WDR93: variants seen among roughly 807,000 people sequenced by gnomAD.
WDR93 encodes the protein WD repeat-containing protein 93.
Under a neutral mutation model 82.9 loss-of-function variants are expected in WDR93, and 73 were observed. That is an observed-to-expected ratio of 0.88 (90% CI 0.73 to 1.07). WDR93 has a LOEUF of 1.07. Among genes scored for constraint, WDR93 ranks in the 50% least tolerant of loss-of-function variants. WDR93 has a pLI of 0.00. For missense variants in WDR93, 738 were observed against 826.0 expected (o/e 0.89, Z 1.31); for synonymous variants, 283 against 300.1 (o/e 0.94, Z 0.59).
chr15:89,690,485 G>A (rs999805170), upstream of WDR93: 139 of 902,148 alleles, frequency 1.5e-4, no homozygotes, highest in Non-Finnish European at 8.9e-5. Flanking sequence ...CATCTACTAG[G>A]CTATCACCTC....
intron 13 of WDR93, among the ~76,000 whole-genome samples, chr15:89,733,693 G>A (rs548299074): frequency 3.3e-5 from 5 of 152,252 alleles, no homozygotes; most frequent in African/African-American, 7.2e-5. Flanking sequence ...ACCCTATGCC[G>A]TCTCGGGACT....
At chr15:89,690,505 G>A, upstream of WDR93, 1 of 1,147,130 alleles carries the variant, frequency 8.7e-7, no homozygotes, top group Non-Finnish European at 1.3e-6. Context: ...CCTTTTTCCC[G>A]GGTGCAGGGG....
At chr15:89,719,754 A>C (rs1188327020) in intron 7 of WDR93, 2 of 150,050 alleles carry the variant, frequency 1.3e-5, no homozygotes, top group Admixed American at 1.3e-4. Flanking sequence ...TGTTCTGCTC[A>C]CTTTGGGTTT....
At chr15:89,690,995 C>T (rs1365437624) in intron 1 of WDR93, 138 bp downstream of exon 1, 1 of 189,998 alleles carries the variant, frequency 5.3e-6, no homozygotes, top group Non-Finnish European at 1.1e-5. Context: ...ATGCCTGACG[C>T]CTCCCCGCAG....
intron 1 of WDR93, among the ~76,000 whole-genome samples, chr15:89,696,187 C>T (rs1398276498): frequency 6.6e-6 from 1 of 152,190 alleles, no homozygotes; most frequent in Non-Finnish European, 1.5e-5. Context: ...TTCCCCATTA[C>T]TCAGTTTGCA....
intron 5 of WDR93, among the ~76,000 whole-genome samples, chr15:89,713,281 C>T (rs1375541774): frequency 2.6e-5 from 4 of 152,116 alleles, no homozygotes; most frequent in Admixed American, 6.6e-5. Context: ...ATGTTTTACC[C>T]ACCAATCTCA....
chr15:89,726,940 A>G (rs1392892632), intron 8 of WDR93, among the ~76,000 whole-genome samples: 1 of 152,228 alleles, frequency 6.6e-6, no homozygotes, highest in Non-Finnish European at 1.5e-5. Flanking sequence ...AAGATACAGA[A>G]GAAGGAGGAC....
intron 4 of WDR93, among the ~76,000 whole-genome samples, chr15:89,706,907 A>G (rs1013939271): frequency 1.3e-5 from 2 of 152,234 alleles, no homozygotes; most frequent in African/African-American, 4.8e-5. Context: ...TTTAGCCACA[A>G]TACCAAAAGC....
intron 13 of WDR93, among the ~76,000 whole-genome samples, chr15:89,734,409 C>G (rs953424689): frequency 2.8e-4 from 43 of 152,174 alleles, no homozygotes; most frequent in African/African-American, 9.2e-4. Context: ...TCCTCATGGT[C>G]TCTCCTGCAG....
chr15:89,696,571 T>A (rs1965188703), intron 1 of WDR93, among the ~76,000 whole-genome samples: 1 of 152,166 alleles, frequency 6.6e-6, no homozygotes, highest in Admixed American at 6.5e-5. Flanking sequence ...CATGGCTCAC[T>A]GCAGCCTTGA....
chr15:89,723,757 G>A (rs1248293175), intron 8 of WDR93, among the ~76,000 whole-genome samples: 1 of 152,130 alleles, frequency 6.6e-6, no homozygotes, highest in Non-Finnish European at 1.5e-5. Context: ...GAGAAAGGGT[G>A]GCCATTTCAA....
chr15:89,714,897 C>T, intron 5 of WDR93, 83 bp from the exon 6 acceptor site: 1 of 1,202,908 alleles, frequency 8.3e-7, no homozygotes, highest in Non-Finnish European at 1.2e-6. Flanking sequence ...GCCAGCAGTT[C>T]TAAGAAGAAG....
intron 3 of WDR93, chr15:89,703,681 T>C (rs115879505): frequency 0.013 from 1,968 of 153,208 alleles, 40 homozygotes; most frequent in African/African-American, 0.038. Context: ...AAACAGACTG[T>C]TACCTCTGGA....
At chr15:89,694,536 G>A (rs1366769279) in intron 1 of WDR93, among the ~76,000 whole-genome samples, 1 of 151,942 alleles carries the variant, frequency 6.6e-6, no homozygotes, top group African/African-American at 2.4e-5. Flanking sequence ...CACCCGGCCG[G>A]GTTACTTCTT....
chr15:89,717,041 CTTTCTT>C (rs1348090776), intron 7 of WDR93, 92 bp downstream of exon 7: 25 of 336,402 alleles, frequency 7.4e-5, no homozygotes, highest in Admixed American at 1.4e-4. Context: ...TTTTCTTTTT[CTTTCTT>C]TTTTTTTTTT....
chr15:89,723,109 T>G (rs28451396), intron 8 of WDR93, among the ~76,000 whole-genome samples: 63,739 of 151,428 alleles, frequency 0.42, 13,937 homozygotes, highest in African/African-American at 0.49. Context: ...GCTAAGGCAG[T>G]AGAATCGCTT....
In WDR93 at chr15:89,701,929, C is replaced by G. The variant is rs190477119; in HGVS notation, c.183C>G (p.Asn61Lys). 38 of 1,614,156 alleles carry G rather than the reference C, an allele frequency of 2.4e-5. No homozygotes were observed. In the Admixed American group the frequency reaches 5.2e-4, roughly 22 times the overall value. ...DSLPQPYRMI[N>K]KLVNLLFDQS... ...TGCCTCAGCCTTATCGAATGATCAA[C>G]AAGCTGGTGAACCTTCTGTTTGACC... The change falls in exon 2 of 17, where the codon AAC becomes AAG. Residue 61 changes from asparagine to lysine, a missense_variant. Asn to Lys is a moderately conservative substitution (Grantham distance 94). Coordinates refer to ENST00000268130, the MANE Select transcript of WDR93 (RefSeq NM_020212.2).
chr15:89,732,339 A>G (rs1276059314), intron 12 of WDR93, among the ~76,000 whole-genome samples: 3 of 152,166 alleles, frequency 2.0e-5, no homozygotes, highest in African/African-American at 4.8e-5. Context: ...GACTGTTCTC[A>G]GGGAGGTGTC....
At chr15:89,711,897 T>C (rs951516456) in intron 4 of WDR93, 129 bp from the exon 5 acceptor site, 3 of 538,278 alleles carry the variant, frequency 5.6e-6, no homozygotes, top group African/African-American at 3.9e-5. Context: ...ATGAAGCAGT[T>C]TGAAGCATCT....
Sources: gnomAD v4.1 joint callset for allele counts (sites outside exome capture counted in the v4.1 genomes callset) on GRCh38, gnomAD v4.1.1 for gene constraint, MANE v1.5 for transcripts, NCBI Gene and HGNC (gene_info 2026-07-23, HGNC 2026-07-21) for gene names.